The following CCSER1 variants were observed in gnomAD, a reference collection of about 807,000 sequenced individuals.
The protein encoded by CCSER1 is serine-rich coiled-coil domain-containing protein 1.
A neutral mutation model predicts 82.0 loss-of-function variants in CCSER1; 41 were observed. That is an observed-to-expected ratio of 0.50 (90% CI 0.39 to 0.65). The LOEUF (loss-of-function observed/expected upper bound fraction) is 0.65, where lower values mean the gene tolerates loss of function less well. CCSER1 is among the 30% of genes least tolerant of loss of function. The pLI, the probability that CCSER1 is intolerant of heterozygous loss-of-function variation, is 0.00. For synonymous variants in CCSER1, 414 were observed against 383.9 expected (o/e 1.08, Z -0.92); for missense variants, 1,119 against 1,064.2 (o/e 1.05, Z -0.72).
chr4:90,811,695 G>C (rs1758312975), intron 7 of CCSER1, among the ~76,000 whole-genome samples: 1 of 152,042 alleles, frequency 6.6e-6, no homozygotes, highest in South Asian at 2.1e-4. Flanking sequence ...GGAAGATAAT[G>C]GGGAAATCAG....
chr4:91,380,145 C>G (rs1295685267), intron 10 of CCSER1, among the ~76,000 whole-genome samples: 1 of 152,098 alleles, frequency 6.6e-6, no homozygotes, highest in Non-Finnish European at 1.5e-5. Context: ...TTTACATTTG[C>G]TGAGGAGTGC....
chr4:91,131,620 ATATT>A (rs1002659041), intron 10 of CCSER1, among the ~76,000 whole-genome samples: 2 of 152,104 alleles, frequency 1.3e-5, no homozygotes, highest in African/African-American at 4.8e-5. Flanking sequence ...ATATTTATAT[ATATT>A]AATCTATTCA....
At chr4:90,736,657 C>T (rs752330179) in intron 7 of CCSER1, among the ~76,000 whole-genome samples, 31 of 151,806 alleles carry the variant, frequency 2.0e-4, no homozygotes, top group Non-Finnish European at 3.4e-4. Context: ...TCCATTCAGC[C>T]ACTCTATGAC....
At chr4:91,574,137 A>G (rs1245638685) in intron 10 of CCSER1, among the ~76,000 whole-genome samples, 1 of 152,084 alleles carries the variant, frequency 6.6e-6, no homozygotes, top group Non-Finnish European at 1.5e-5. Flanking sequence ...TTTCACAGAC[A>G]TTGAAAAAAA....
intron 10 of CCSER1, among the ~76,000 whole-genome samples, chr4:91,292,690 A>G (rs545048450): frequency 6.3e-4 from 96 of 152,200 alleles, no homozygotes; most frequent in Admixed American, 1.2e-3. Context: ...TTAGGCCTCA[A>G]TGTATTACAA....
intron 5 of CCSER1, among the ~76,000 whole-genome samples, chr4:90,534,332 T>C (rs533729208): frequency 1.3e-5 from 2 of 152,292 alleles, no homozygotes; most frequent in African/African-American, 2.4e-5. Context: ...GGTTTCACCA[T>C]GTTAGCCAGT....
intron 10 of CCSER1, chr4:91,130,038 G>A (rs1727864539): frequency 6.6e-6 from 1 of 151,638 alleles, no homozygotes; most frequent in African/African-American, 2.4e-5. Context: ...CTCTTCTTAG[G>A]TATACATTTT....
chr4:90,651,958 A>G (rs1280030658), intron 6 of CCSER1, among the ~76,000 whole-genome samples: 1 of 152,188 alleles, frequency 6.6e-6, no homozygotes, highest in African/African-American at 2.4e-5. Context: ...ACTGGAGTCA[A>G]TGGAAAAATT....
intron 10 of CCSER1, among the ~76,000 whole-genome samples, chr4:91,093,114 G>A (rs962889853): frequency 1.3e-5 from 2 of 152,174 alleles, no homozygotes; most frequent in South Asian, 2.1e-4. Context: ...TCTAGAGCCC[G>A]AGTTAAAGCA....
rs532188659 is a variant in CCSER1 at position 91,006,551 on chromosome 4, G to A, written c.2173-79399G>A. 8.4e-4 allele frequency among the ~76,000 whole-genome samples: 126 copies of A among 150,586 alleles called. 1 individual carries two copies. The South Asian group carries it at 0.023, about 28-fold the overall frequency. On this transcript the variant is annotated intron_variant, in intron 9 of 10. Transcript: ENST00000509176. ...GTCACCCAGGATGGAGTGCAGTGGCGTGATCTCGGCTCACTGCAAGCTCTG... is the reference window on the plus strand; with the variant it reads ...GTCACCCAGGATGGAGTGCAGTGGCATGATCTCGGCTCACTGCAAGCTCTG...
At chr4:91,049,498 A>AT (rs899496185) in intron 9 of CCSER1, among the ~76,000 whole-genome samples, 37 of 152,156 alleles carry the variant, frequency 2.4e-4, no homozygotes, top group African/African-American at 8.2e-4. Flanking sequence ...GAAAAGGAAG[A>AT]TTTTTCCATT....
At chr4:90,511,022 G>T (rs1280025764) in intron 5 of CCSER1, among the ~76,000 whole-genome samples, 1 of 152,200 alleles carries the variant, frequency 6.6e-6, no homozygotes, top group African/African-American at 2.4e-5. Context: ...GACTGGAAGG[G>T]AGTTGCCAAT....
At chr4:90,253,708 A>G (rs1315930602) in intron 1 of CCSER1, among the ~76,000 whole-genome samples, 1 of 152,150 alleles carries the variant, frequency 6.6e-6, no homozygotes, top group Non-Finnish European at 1.5e-5. Context: ...ATGGGATTCA[A>G]TCTCTGATAT....
intron 3 of CCSER1, among the ~76,000 whole-genome samples, chr4:90,392,134 A>G (rs1327305100): frequency 2.0e-5 from 3 of 152,028 alleles, no homozygotes; most frequent in Non-Finnish European, 4.4e-5. Flanking sequence ...AGAAAAAAGC[A>G]TGAATTTTTA....
intron 1 of CCSER1, among the ~76,000 whole-genome samples, chr4:90,136,936 A>T (rs192722663): frequency 6.6e-6 from 1 of 152,194 alleles, no homozygotes; most frequent in Non-Finnish European, 1.5e-5. Context: ...TAAATTAAGA[A>T]TAACTTATTT....
At chr4:90,254,722 G>T (rs569086848) in intron 1 of CCSER1, among the ~76,000 whole-genome samples, 1 of 152,202 alleles carries the variant, frequency 6.6e-6, no homozygotes, top group South Asian at 2.1e-4. Context: ...GTTGAGCTGG[G>T]TAGGAGGGAA....
chr4:90,386,710 C>G (rs1025916004), intron 3 of CCSER1, among the ~76,000 whole-genome samples: 5 of 152,130 alleles, frequency 3.3e-5, no homozygotes, highest in African/African-American at 1.2e-4. Context: ...AAAGGACAAC[C>G]TACAGAATGG....
intron 10 of CCSER1, among the ~76,000 whole-genome samples, chr4:91,385,546 G>C (rs1300747257): frequency 1.3e-5 from 2 of 151,206 alleles, no homozygotes; most frequent in Non-Finnish European, 3.0e-5. Context: ...AATTTAAAGA[G>C]ATAGGAAGTA....
intron 10 of CCSER1, among the ~76,000 whole-genome samples, chr4:91,221,817 G>C (rs778893437): frequency 2.6e-5 from 4 of 152,058 alleles, no homozygotes; most frequent in Non-Finnish European, 4.4e-5. Context: ...TTAATAAATA[G>C]CTAGAGTCCA....
Sources: allele counts gnomAD v4.1 joint callset (sites outside exome capture counted in the v4.1 genomes callset), GRCh38; gene constraint gnomAD v4.1.1; transcripts MANE v1.5; gene names NCBI Gene and HGNC (gene_info 2026-07-23, HGNC 2026-07-21).